The following MKRN2OS variants were observed in gnomAD, a reference collection of about 807,000 sequenced individuals.
MKRN2OS encodes MKRN2 opposite strand.
Under a neutral mutation model 18.2 loss-of-function variants are expected in MKRN2OS, and 17 were observed. That is an observed-to-expected ratio of 0.93 (90% CI 0.64 to 1.40). MKRN2OS has a LOEUF of 1.40. MKRN2OS is among the 40% of genes most tolerant of loss of function. The pLI is 0.00. For missense variants in MKRN2OS, 337 were observed against 283.0 expected (o/e 1.19, Z -1.37); for synonymous variants, 121 against 108.5 (o/e 1.12, Z -0.72).
chr3:12,542,972 A>G (rs2057836261), intron 2 of MKRN2OS, among the ~76,000 whole-genome samples: 1 of 152,174 alleles, frequency 6.6e-6, no homozygotes. Context: ...AACGTTAAAG[A>G]GCTTTCAAAT....
intron 1 of MKRN2OS, among the ~76,000 whole-genome samples, chr3:12,560,440 C>A (rs1003894267): frequency 7.2e-6 from 1 of 139,126 alleles, no homozygotes; most frequent in Admixed American, 7.5e-5. Context: ...AGGAGTATAG[C>A]CGTAAAATTT....
Position 12,542,040 on chromosome 3 carries a change from A to G in MKRN2OS, c.269-18T>C, listed in dbSNP as rs984808637. 1.3e-6 allele frequency: 2 copies of G among 1,526,814 alleles called. No individual in the cohort carries two copies. Among genetic ancestry groups the G allele is most frequent in the East Asian group, 4.9e-5 (2 of 40,570 alleles). The allele number at this position is 1,526,814 out of a possible 1,614,324, so 94.6% of individuals were successfully genotyped here. ...CACAACCCCTGCAAATCAAAACCAA[A>G]GTCATGTGGAGCCCCAAGGAAACAC... On this transcript the variant is annotated intron_variant, in intron 2 of 3. Coordinates refer to ENST00000564146, the MANE Select transcript of MKRN2OS (RefSeq NM_001195279.2).
At chr3:12,545,639 C>G, upstream of MKRN2OS, 2 of 471,726 alleles carry the variant, frequency 4.2e-6, no homozygotes, top group Non-Finnish European at 7.4e-6. Context: ...TCCCCATAGA[C>G]TGTATCTTAA....
intron 1 of MKRN2OS, chr3:12,554,220 C>A (rs888310290): frequency 2.0e-5 from 3 of 152,222 alleles, no homozygotes; most frequent in Non-Finnish European, 4.4e-5. Flanking sequence ...GTGGCCCTGC[C>A]TTCTCTGCCA....
intron 1 of MKRN2OS, 96 bp downstream of exon 1, chr3:12,545,151 C>G: frequency 9.9e-7 from 1 of 1,011,584 alleles, no homozygotes; most frequent in Middle Eastern, 2.8e-4. Flanking sequence ...GTCCACCAAA[C>G]CTCACACATT....
intron 1 of MKRN2OS, among the ~76,000 whole-genome samples, chr3:12,560,188 G>A (rs932776686): frequency 9.2e-5 from 14 of 152,194 alleles, no homozygotes; most frequent in African/African-American, 2.7e-4. Context: ...AAATGTCCCA[G>A]TAGTCTATCA....
intron 2 of MKRN2OS, among the ~76,000 whole-genome samples, chr3:12,542,720 A>AC (rs1330197715): frequency 9.2e-5 from 12 of 129,748 alleles, no homozygotes; most frequent in Admixed American, 2.2e-4. Flanking sequence ...TTAAAAAAAA[A>AC]AAAAAAAAAA....
At chr3:12,549,153 C>G (rs1294994405), upstream of MKRN2OS, among the ~76,000 whole-genome samples, 1 of 152,138 alleles carries the variant, frequency 6.6e-6, no homozygotes, top group Non-Finnish European at 1.5e-5. Context: ...TAGAGTTGGC[C>G]AGGCTGGTCT....
chr3:12,548,536 A>C (rs112570645), upstream of MKRN2OS, among the ~76,000 whole-genome samples: 1 of 147,824 alleles, frequency 6.8e-6, no homozygotes, highest in Non-Finnish European at 1.5e-5. Flanking sequence ...GGAGGCTGAG[A>C]CAGGAGAATC....
chr3:12,545,424 T>C lies in MKRN2OS; in HGVS notation c.41A>G (p.Asn14Ser), dbSNP rs1375761074. ...GCTGTAGATGTATTTCTCACAGTGG[T>C]TGAATTTAATTAAAGCCTTCCCAGC... ...AEAGKALIKF[N>S]HCEKYIYSFS... is the part of the protein sequence containing the mutation. The change falls in exon 1 of 4, where the codon AAC becomes AGC. Residue 14 changes from asparagine to serine, a missense_variant. Coordinates refer to ENST00000564146, the MANE Select transcript of MKRN2OS (RefSeq NM_001195279.2). The C allele has an allele frequency of 2.0e-6, 3 of 1,534,906 alleles. No homozygotes were observed. The highest frequency in any genetic ancestry group is 1.4e-5 in the African/African-American group (1 of 73,012).
Position 12,540,323 on chromosome 3 carries a change from T to C in MKRN2OS, c.542A>G (p.Tyr181Cys), listed in dbSNP as rs906202172. The part of the protein sequence containing the change: ...QLDKGEFTEK[Y>C]VVPRTRLASK... Reference sequence around the variant, plus strand: ...TGCCAGCCTTGTCCGCGGGACCACGTACTTCTCCGTAAATTCACCCTTGTC... The same window carrying C: ...TGCCAGCCTTGTCCGCGGGACCACGCACTTCTCCGTAAATTCACCCTTGTC... Residue 181 changes from tyrosine (Y) to cysteine (C), a missense_variant, in exon 4 of 4, where the codon TAC becomes TGC. By Grantham distance (194) the Tyr-to-Cys change is radical. Coordinates refer to ENST00000564146, the MANE Select transcript of MKRN2OS (RefSeq NM_001195279.2). The C allele has an allele frequency of 4.6e-6, 7 of 1,536,144 alleles. No individual in the cohort carries two copies. The highest frequency in any genetic ancestry group is 6.1e-6 in the Non-Finnish European group (7 of 1,146,914).
chr3:12,551,121 C>T (rs1287069942), downstream of MKRN2OS, among the ~76,000 whole-genome samples: 1 of 151,890 alleles, frequency 6.6e-6, no homozygotes, highest in Non-Finnish European at 1.5e-5. Flanking sequence ...CAAGGAGCCA[C>T]CCTCCTGCCC....
At chr3:12,554,927 T>C (rs1021824881) in intron 1 of MKRN2OS, among the ~76,000 whole-genome samples, 4 of 152,220 alleles carry the variant, frequency 2.6e-5, no homozygotes, top group South Asian at 2.1e-4. Flanking sequence ...ACTGAGACTT[T>C]TCACTTTACG....
intron 1 of MKRN2OS, among the ~76,000 whole-genome samples, chr3:12,555,760 C>A (rs1350148791): frequency 6.6e-6 from 1 of 152,190 alleles, no homozygotes; most frequent in Non-Finnish European, 1.5e-5. Flanking sequence ...CCCCCACCCA[C>A]CCCCTGCAGC....
chr3:12,552,474 C>T (rs1444471163), downstream of MKRN2OS, among the ~76,000 whole-genome samples: 1 of 149,254 alleles, frequency 6.7e-6, no homozygotes, highest in Non-Finnish European at 1.5e-5. Context: ...TGCAATGGCG[C>T]CATCTCAGCT....
upstream of MKRN2OS, among the ~76,000 whole-genome samples, chr3:12,548,828 A>C (rs1176058389): frequency 6.6e-6 from 1 of 152,194 alleles, no homozygotes; most frequent in Non-Finnish European, 1.5e-5. Flanking sequence ...AAGCATCTTC[A>C]ATCCTTTTTT....
chr3:12,552,480 C>T (rs1399522461), downstream of MKRN2OS, among the ~76,000 whole-genome samples: 5 of 148,842 alleles, frequency 3.4e-5, no homozygotes, highest in African/African-American at 1.2e-4. Flanking sequence ...GGCGCCATCT[C>T]AGCTCACCAA....
chr3:12,543,480 G>A (rs1044053686), intron 1 of MKRN2OS, among the ~76,000 whole-genome samples: 2 of 152,044 alleles, frequency 1.3e-5, no homozygotes, highest in African/African-American at 2.4e-5. Flanking sequence ...CCAGCTACTC[G>A]GGAGGTTGAG....
chr3:12,558,921 T>G (rs770357432), intron 1 of MKRN2OS, among the ~76,000 whole-genome samples: 11 of 152,240 alleles, frequency 7.2e-5, no homozygotes, highest in Non-Finnish European at 1.5e-4. Context: ...ATCGTAAAAC[T>G]GAGCCTCAGC....
Sources: allele counts gnomAD v4.1 joint callset (sites outside exome capture counted in the v4.1 genomes callset), GRCh38; gene constraint gnomAD v4.1.1; transcripts MANE v1.5; gene names NCBI Gene and HGNC (gene_info 2026-07-23, HGNC 2026-07-21).